Variants in KHDRBS2 observed in about 807,000 individuals in gnomAD.
The protein encoded by KHDRBS2 is KH domain-containing, RNA-binding, signal transduction-associated protein 2.
In KHDRBS2, 26 loss-of-function variants were observed where a neutral mutation model predicts 44.3. That is an observed-to-expected ratio of 0.59 (90% CI 0.43 to 0.81). The LOEUF is 0.81. KHDRBS2 is among the 40% of genes least tolerant of loss of function. The pLI is 0.00. For synonymous variants in KHDRBS2, 194 were observed against 151.1 expected, an observed-to-expected ratio of 1.28 and a Z score of -2.08; for missense variants, 476 against 433.1, an observed-to-expected ratio of 1.10 and a Z score of -0.88.
At chr6:62,173,136 C>T (rs775047623) in intron 2 of KHDRBS2, among the ~76,000 whole-genome samples, 1 of 150,478 alleles carries the variant, frequency 6.6e-6, no homozygotes, top group African/African-American at 2.4e-5. Context: ...CAAATGTTCG[C>T]GTCCAGGAGT....
chr6:61,641,139 C>T, the KHDRBS2 span, among the ~76,000 whole-genome samples: 1 of 152,126 alleles, frequency 6.6e-6, no homozygotes, highest in East Asian at 1.9e-4. Context: ...CAGAGATGCA[C>T]CTCCATTTTC....
chr6:61,644,723 T>C, the KHDRBS2 span, among the ~76,000 whole-genome samples: 1 of 152,160 alleles, frequency 6.6e-6, no homozygotes, highest in Non-Finnish European at 1.5e-5. Flanking sequence ...GTATCACTAA[T>C]CATTAGAGAA....
rs564961949 is a variant in KHDRBS2, at chr6:61,857,491, CT to C, written c.810+37143del. On this transcript the variant is annotated intron_variant, in intron 6 of 8. Coordinates refer to ENST00000281156, the MANE Select transcript of KHDRBS2 (RefSeq NM_152688.4). ...ATCAAGGCTGGCATACAGATATTTT[CT>C]TCTCTTGACTCTTCAAAATAATATT... is the stretch of plus-strand genomic sequence containing the variant. 3.2e-3 allele frequency among the ~76,000 whole-genome samples: 482 copies of C among 151,756 alleles called. 1 individual carries two copies. Among genetic ancestry groups the C allele is most frequent in the Non-Finnish European group, 5.1e-3 (347 of 67,858 alleles).
intron 3 of KHDRBS2, among the ~76,000 whole-genome samples, chr6:62,006,129 T>C (rs1374743318): frequency 3.3e-5 from 5 of 151,912 alleles, no homozygotes; most frequent in African/African-American, 9.7e-5. Context: ...GCAGGATAAA[T>C]TTGTAATATT....
At chr6:61,811,457 G>A (rs1464360140) in intron 6 of KHDRBS2, among the ~76,000 whole-genome samples, 1 of 152,020 alleles carries the variant, frequency 6.6e-6, no homozygotes, top group Non-Finnish European at 1.5e-5. Flanking sequence ...TTTCCTTTGG[G>A]TATATATCCA....
the KHDRBS2 span, among the ~76,000 whole-genome samples, chr6:61,543,075 C>T: frequency 2.6e-5 from 4 of 151,874 alleles, no homozygotes; most frequent in South Asian, 4.1e-4. Context: ...GAGTAATACT[C>T]CACAAGCACA....
chr6:61,778,732 C>G (rs192732316), intron 6 of KHDRBS2, among the ~76,000 whole-genome samples: 1 of 152,122 alleles, frequency 6.6e-6, no homozygotes. Flanking sequence ...TATGCCAAAC[C>G]CTTAATGCCA....
chr6:61,615,558 T>A, the KHDRBS2 span, among the ~76,000 whole-genome samples: 1 of 152,178 alleles, frequency 6.6e-6, no homozygotes, highest in African/African-American at 2.4e-5. Context: ...TAACCTCTTC[T>A]TTTTCCTTGG....
intron 7 of KHDRBS2, among the ~76,000 whole-genome samples, chr6:61,712,281 G>A (rs57517038): frequency 0.056 from 8,457 of 151,884 alleles, 371 homozygotes; most frequent in African/African-American, 0.12. Context: ...ATGAAAGTAG[G>A]GAGGGGTGAA....
intron 6 of KHDRBS2, among the ~76,000 whole-genome samples, chr6:61,739,388 G>T (rs566043763): frequency 6.6e-6 from 1 of 151,876 alleles, no homozygotes; most frequent in Non-Finnish European, 1.5e-5. Flanking sequence ...GTTTCTTAAT[G>T]ATAGGAGCAA....
the KHDRBS2 span, among the ~76,000 whole-genome samples, chr6:61,637,539 G>A: frequency 6.6e-6 from 1 of 152,100 alleles, no homozygotes; most frequent in African/African-American, 2.4e-5. Flanking sequence ...AGTCCTTTGG[G>A]TATATACCCA....
intron 1 of KHDRBS2, among the ~76,000 whole-genome samples, chr6:62,251,608 T>C (rs1359850131): frequency 6.6e-6 from 1 of 151,922 alleles, no homozygotes; most frequent in African/African-American, 2.4e-5. Flanking sequence ...TTGTTATACA[T>C]AGCAAAGGAA....
chr6:61,554,668 G>A, the KHDRBS2 span, among the ~76,000 whole-genome samples: 1 of 152,172 alleles, frequency 6.6e-6, no homozygotes, highest in Non-Finnish European at 1.5e-5. Context: ...TCCATGTTTA[G>A]CCCTCCCTTC....
chr6:61,672,732 G>C, the KHDRBS2 span, among the ~76,000 whole-genome samples: 1 of 151,728 alleles, frequency 6.6e-6, no homozygotes, highest in African/African-American at 2.4e-5. Context: ...GTTCATTGTA[G>C]ATTCTGGATA....
At chr6:61,792,662 T>G (rs1424877334) in intron 6 of KHDRBS2, among the ~76,000 whole-genome samples, 2 of 151,818 alleles carry the variant, frequency 1.3e-5, no homozygotes, top group African/African-American at 4.8e-5. Context: ...CAATGACAAC[T>G]GCGAATTAGA....
chr6:62,176,004 A>G (rs1456876833), intron 2 of KHDRBS2, among the ~76,000 whole-genome samples: 1 of 151,418 alleles, frequency 6.6e-6, no homozygotes, highest in African/African-American at 2.4e-5. Flanking sequence ...AAGTTATACC[A>G]TATTTAAATG....
At chr6:61,803,524 C>A (rs1786625747) in intron 6 of KHDRBS2, among the ~76,000 whole-genome samples, 1 of 152,112 alleles carries the variant, frequency 6.6e-6, no homozygotes, top group African/African-American at 2.4e-5. Context: ...CATTTTTACA[C>A]ATATTATCTC....
intron 6 of KHDRBS2, among the ~76,000 whole-genome samples, chr6:61,829,151 T>C (rs953051263): frequency 3.3e-5 from 5 of 152,326 alleles, no homozygotes; most frequent in Admixed American, 6.5e-5. Flanking sequence ...GTAGTTGGGA[T>C]TGAGAATTTT....
intron 1 of KHDRBS2, among the ~76,000 whole-genome samples, chr6:62,259,360 C>T (rs855411): frequency 0.21 from 31,915 of 151,120 alleles, 4,349 homozygotes; most frequent in African/African-American, 0.39. Flanking sequence ...CTATATTTTC[C>T]TTCTATATAG....
Sources: gnomAD v4.1 joint callset for allele counts (sites outside exome capture counted in the v4.1 genomes callset) on GRCh38, gnomAD v4.1.1 for gene constraint, MANE v1.5 for transcripts, NCBI Gene and HGNC (gene_info 2026-07-23, HGNC 2026-07-21) for gene names.